CKAP2L: variants seen among roughly 807,000 people sequenced by gnomAD.
CKAP2L encodes the protein cytoskeleton-associated protein 2-like.
A neutral mutation model predicts 65.7 loss-of-function variants in CKAP2L; 42 were observed. The ratio of observed to expected loss-of-function variants is 0.64; its 90% CI spans 0.50 to 0.83. The LOEUF is 0.83. CKAP2L is among the 40% of genes least tolerant of loss of function. CKAP2L has a pLI of 0.00. For missense variants in CKAP2L, 908 were observed against 871.0 expected, an observed-to-expected ratio of 1.04 and a Z score of -0.53; for synonymous variants, 325 against 313.5, an observed-to-expected ratio of 1.04 and a Z score of -0.39.
At chr2:112,749,801 T>C (rs1282902302) in intron 5 of CKAP2L, among the ~76,000 whole-genome samples, 1 of 152,174 alleles carries the variant, frequency 6.6e-6, no homozygotes, top group Non-Finnish European at 1.5e-5. Flanking sequence ...TAAAACTCTG[T>C]AAAACTTTCT....
At chr2:112,757,385 GTTT>G (rs11311328) in intron 3 of CKAP2L, among the ~76,000 whole-genome samples, 171 bp from the exon 4 acceptor site, 29 of 87,414 alleles carry the variant, frequency 3.3e-4, no homozygotes, top group African/African-American at 1.5e-3. Flanking sequence ...TAGTTTTTGT[GTTT>G]TTTTTTTTTT....
chr2:112,764,504 C>A, intron 1 of CKAP2L, 58 bp downstream of exon 1: 1 of 1,590,530 alleles, frequency 6.3e-7, no homozygotes, highest in Non-Finnish European at 8.6e-7. Context: ...CGGTGGCCTC[C>A]TACTTCCCCG....
At position 112,752,372 on chromosome 2, in the gene CKAP2L, T is replaced by C; in HGVS notation, c.1497A>G (p.Ser499=). ...CTTCTTTTTCAATGCTCTTCCAGAA[T>C]GAAATATTCATTTCCTTTATTACTT... is the stretch of plus-strand genomic sequence containing the variant. The part of the protein sequence containing the change: ...KRKVIKEMNI[S]FWKSIEKEEE... Residue 499 remains serine (S), a synonymous_variant, in exon 5 of 9, where the codon TCA becomes TCG. Coordinates refer to ENST00000302450, the MANE Select transcript of CKAP2L (RefSeq NM_152515.5). 1.2e-6 allele frequency: 2 copies of C among 1,612,888 alleles called. No homozygotes were observed. The highest frequency in any genetic ancestry group is 1.7e-6 in the Non-Finnish European group (2 of 1,178,958).
Position 112,756,151 on chromosome 2 carries a change from TTA to T in CKAP2L, c.1218_1219del (p.His406GlnfsTer3). The T allele has an allele frequency of 6.2e-7, 1 of 1,614,152 alleles. No individual in the cohort carries two copies. The highest frequency in any genetic ancestry group is 8.5e-7 in the Non-Finnish European group (1 of 1,180,020). On this transcript the variant is annotated frameshift_variant, in exon 4 of 9. Transcript: ENST00000302450. LOFTEE classifies it high-confidence loss of function. The stretch of plus-strand genomic sequence containing the variant: ...TGCTTTTTGCTGAAAGCCATTATTG[TTA>T]TGTTTATTACCACTGGTTCCATTTG...
At chr2:112,739,266 T>C (rs1011575981) in intron 8 of CKAP2L, among the ~76,000 whole-genome samples, 15 of 151,888 alleles carry the variant, frequency 9.9e-5, no homozygotes, top group African/African-American at 3.4e-4. Flanking sequence ...CCAAAAAATA[T>C]AAAAATTAGC....
rs764833990 is a variant in CKAP2L at position 112,740,854 on chromosome 2, T to C, written c.1976A>G (p.Tyr659Cys). 1 of 1,613,362 alleles carries C rather than the reference T, an allele frequency of 6.2e-7. No homozygotes were observed. The highest frequency in any genetic ancestry group is 1.3e-5 in the African/African-American group (1 of 74,916). Reference sequence around the variant, plus strand: ...ACCAATCTGTAATTTGATACCAGGATAATTATGCTGTTCTGCCTTGGCTAT... The same window carrying C: ...ACCAATCTGTAATTTGATACCAGGACAATTATGCTGTTCTGCCTTGGCTAT... ...PRIAKAEQHNYPGIKLQIGPI... is the reference protein window; with the variant it reads ...PRIAKAEQHNCPGIKLQIGPI... The change falls in exon 8 of 9, where the codon TAT becomes TGT. Residue 659 changes from tyrosine (Y) to cysteine (C), a missense_variant. Physicochemically the swap from Tyr to Cys is radical, Grantham distance 194 (BLOSUM62 -2). Transcript: ENST00000302450.
rs555266321 is a variant in CKAP2L, at chr2:112,743,637, T to C, written c.1759-868A>G. Among the ~76,000 whole-genome samples, 11 of 151,826 alleles carry C rather than the reference T, an allele frequency of 7.2e-5. No individual in the cohort carries two copies. In the East Asian group the frequency reaches 2.1e-3, roughly 29 times the overall value. On this transcript the variant is annotated intron_variant, in intron 6 of 8. Transcript: ENST00000302450. ...ATTTTTAGTAGAGACGGGGTTTCGC[T>C]ACGTTGGCCAGGCTGGTCTCAAACT...
rs954478174 is a variant in CKAP2L, at chr2:112,756,458, C to T, written c.913G>A (p.Val305Ile). Reference protein sequence around the residue: ...PVVKNIKDIKVNRSQYERPNE... With the variant: ...PVVKNIKDIKINRSQYERPNE... ...GGTCTTTCATATTGACTCCTATTAA[C>T]CTTTATATCTTTGATGTTCTTGACT... Residue 305 changes from valine to isoleucine, a missense_variant, in exon 4 of 9, where the codon GTT becomes ATT. Coordinates refer to ENST00000302450, the MANE Select transcript of CKAP2L (RefSeq NM_152515.5). 1 of 1,612,826 alleles carries T rather than the reference C, an allele frequency of 6.2e-7. No individual in the cohort carries two copies. The highest frequency in any genetic ancestry group is 8.5e-7 in the Non-Finnish European group (1 of 1,179,592).
Position 112,757,100 on chromosome 2 carries a change from G to A in CKAP2L, c.271C>T (p.Pro91Ser), listed in dbSNP as rs1680565163. ...RPPNTAGSQK[P>S]KLEPPKLLGK... is the part of the protein sequence containing the mutation. ...AGAAGTTTTGGTGGCTCCAACTTCG[G>A]CTTCTGGGACCCTGCAGTATTAGGT... Residue 91 changes from proline to serine, a missense_variant, in exon 4 of 9, where the codon CCG becomes TCG. Physicochemically the swap from Pro to Ser is moderately conservative, Grantham distance 74. Transcript: ENST00000302450. 10 of 1,614,032 alleles carry A rather than the reference G, an allele frequency of 6.2e-6. No individual in the cohort carries two copies. The Admixed American group carries it at 1.5e-4, about 24-fold the overall frequency.
At chr2:112,741,176 C>T (rs77776580) in intron 7 of CKAP2L, among the ~76,000 whole-genome samples, 169 bp from the exon 8 acceptor site, 1,813 of 152,216 alleles carry the variant, frequency 0.012, 31 homozygotes, top group African/African-American at 0.041. Flanking sequence ...TGTTTTTTCA[C>T]GTTAAGCTCT....
chr2:112,752,840 C>T (rs1056043034), intron 4 of CKAP2L, among the ~76,000 whole-genome samples: 1 of 152,178 alleles, frequency 6.6e-6, no homozygotes, highest in Non-Finnish European at 1.5e-5. Flanking sequence ...ATTTCTCTCA[C>T]GCATAAGCTG....
intron 3 of CKAP2L, among the ~76,000 whole-genome samples, chr2:112,759,664 C>T (rs2104889139): frequency 6.6e-6 from 1 of 152,270 alleles, no homozygotes; most frequent in East Asian, 1.9e-4. Context: ...CCCAGTGCTT[C>T]CCAAACGTTA....
Position 112,737,887 on chromosome 2 carries a change from ATGTT to A in CKAP2L, c.*932_*935del, listed in dbSNP as rs942235099. ...ACAAGCAGGAACTAATAGAAATTTA[ATGTT>A]GTTTTAAGATAATACTTAAATATTA... is the stretch of plus-strand genomic sequence containing the variant. On this transcript the variant is annotated 3_prime_UTR_variant, in exon 9 of 9. Coordinates refer to ENST00000302450, the MANE Select transcript of CKAP2L (RefSeq NM_152515.5). 6.6e-5 allele frequency: 10 copies of A among 152,234 alleles called. No individual in the cohort carries two copies. The highest frequency in any genetic ancestry group is 1.2e-4 in the Non-Finnish European group (8 of 68,042). 9.4% of individuals were successfully genotyped at this position (152,234 alleles called of 1,614,324 possible).
intron 3 of CKAP2L, among the ~76,000 whole-genome samples, chr2:112,759,493 T>C (rs750448974): frequency 1.3e-5 from 2 of 152,198 alleles, no homozygotes; most frequent in African/African-American, 2.4e-5. Context: ...GTAAAGCAGA[T>C]AAGGTAGGTA....
At chr2:112,745,273 C>T (rs1412048038) in intron 6 of CKAP2L, among the ~76,000 whole-genome samples, 1 of 151,990 alleles carries the variant, frequency 6.6e-6, no homozygotes, top group South Asian at 2.1e-4. Flanking sequence ...AATAAATACT[C>T]AGAAAACTAA....
At chr2:112,740,120 A>C (rs911866031) in intron 8 of CKAP2L, among the ~76,000 whole-genome samples, 1 of 152,180 alleles carries the variant, frequency 6.6e-6, no homozygotes, top group Non-Finnish European at 1.5e-5. Context: ...AACTGTTTTC[A>C]TCTACTTATG....
Position 112,756,416 on chromosome 2 carries a change from G to A in CKAP2L, c.955C>T (p.Arg319Trp), listed in dbSNP as rs200765044. The A allele has an allele frequency of 2.5e-5, 41 of 1,613,738 alleles. No individual in the cohort carries two copies. The highest frequency in any genetic ancestry group is 2.5e-4 in the African/African-American group (19 of 74,896). Residue 319 changes from arginine (R) to tryptophan (W), a missense_variant, in exon 4 of 9, where the codon CGG becomes TGG. Arg to Trp is a moderately radical substitution (Grantham distance 101). Transcript: ENST00000302450. ...CTCTGTTCAGTAACAGGGTATGACC[G>A]TATCTTAGTTTCATTTGGTCTTTCA... Reference protein sequence around the residue: ...QYERPNETKIRSYPVTEQRVK... With the variant: ...QYERPNETKIWSYPVTEQRVK...
rs186414445 is a variant in CKAP2L at position 112,757,270 on chromosome 2, T to G, written c.157-56A>C. 35 of 1,234,386 alleles carry G rather than the reference T, an allele frequency of 2.8e-5. 1 individual carries two copies. In the East Asian group the frequency reaches 7.0e-4, roughly 25 times the overall value. 76.5% of individuals were successfully genotyped at this position (1,234,386 alleles called of 1,614,324 possible). On this transcript the variant is annotated intron_variant, in intron 3 of 8. Coordinates refer to ENST00000302450, the MANE Select transcript of CKAP2L (RefSeq NM_152515.5). The stretch of plus-strand genomic sequence containing the variant: ...AATCCTTAACATATCTTATTGTTTT[T>G]AAAATAATAACTGTGTTTAACACAT...
rs190288226 is a variant in CKAP2L at position 112,764,150 on chromosome 2, G to C, written c.37+412C>G. 1,230 of 229,260 alleles carry C rather than the reference G, an allele frequency of 5.4e-3. 14 individuals are homozygous for C. Among genetic ancestry groups the C allele is most frequent in the African/African-American group, 0.027 (1,151 of 43,210 alleles). 14.2% of individuals were successfully genotyped at this position (229,260 alleles called of 1,614,324 possible). On this transcript the variant is annotated intron_variant, in intron 1 of 8. Transcript: ENST00000302450. Reference sequence around the variant, plus strand: ...GAGCCCCGCCAGAGGCAGGAGACCCGGGCTTCGGCCAGACCCCGCCTCCTG... The same window carrying C: ...GAGCCCCGCCAGAGGCAGGAGACCCCGGCTTCGGCCAGACCCCGCCTCCTG...
Sources: allele counts gnomAD v4.1 joint callset (sites outside exome capture counted in the v4.1 genomes callset), GRCh38; gene constraint gnomAD v4.1.1; transcripts MANE v1.5; gene names NCBI Gene and HGNC (gene_info 2026-07-23, HGNC 2026-07-21).